The following TFEC variants were observed in gnomAD, a reference collection of about 807,000 sequenced individuals.
TFEC encodes the protein transcription factor EC.
Under a neutral mutation model 41.6 loss-of-function variants are expected in TFEC, and 31 were observed. The observed-to-expected ratio is 0.74, with a 90% CI of 0.56 to 1.01. TFEC has a LOEUF of 1.01. Ranked by LOEUF, TFEC falls within the 50% of genes least tolerant of loss-of-function variation. TFEC has a pLI of 0.00. For synonymous variants in TFEC, 143 were observed against 140.6 expected, an observed-to-expected ratio of 1.02 and a Z score of -0.12; for missense variants, 402 against 404.1, an observed-to-expected ratio of 0.99 and a Z score of 0.04.
chr7:115,961,865 T>C (rs1792572370), intron 3 of TFEC, among the ~76,000 whole-genome samples: 1 of 151,634 alleles, frequency 6.6e-6, no homozygotes, highest in Non-Finnish European at 1.5e-5. Context: ...AAGGAATAAA[T>C]GAAATGATCT....
chr7:115,973,521 C>A (rs893363475), intron 3 of TFEC, among the ~76,000 whole-genome samples: 2 of 151,202 alleles, frequency 1.3e-5, no homozygotes, highest in Non-Finnish European at 3.0e-5. Flanking sequence ...GCTTACACAC[C>A]CTTTACAGAT....
chr7:116,085,790 G>A (rs541555539), intron 3 of TFEC, among the ~76,000 whole-genome samples: 2 of 151,850 alleles, frequency 1.3e-5, no homozygotes, highest in Admixed American at 1.3e-4. Flanking sequence ...TGTGTAAAAT[G>A]TATTTGGTTA....
intron 1 of TFEC, among the ~76,000 whole-genome samples, chr7:116,029,706 A>G (rs917018891): frequency 6.6e-6 from 1 of 151,960 alleles, no homozygotes; most frequent in Non-Finnish European, 1.5e-5. Flanking sequence ...CAGCATATAT[A>G]TATGTATGTA....
At chr7:115,949,205 CA>C (rs1791787165) in intron 6 of TFEC, among the ~76,000 whole-genome samples, 1 of 152,028 alleles carries the variant, frequency 6.6e-6, no homozygotes, top group African/African-American at 2.4e-5. Flanking sequence ...AAAGAGCATA[CA>C]AAGAAATGGA....
At chr7:115,965,346 A>T (rs556449633) in intron 3 of TFEC, among the ~76,000 whole-genome samples, 1 of 151,622 alleles carries the variant, frequency 6.6e-6, no homozygotes, top group Admixed American at 6.6e-5. Context: ...AAAGATGCTG[A>T]TTTAATTACA....
At chr7:115,996,390 G>A (rs1356967900) in intron 1 of TFEC, among the ~76,000 whole-genome samples, 3 of 152,034 alleles carry the variant, frequency 2.0e-5, no homozygotes, top group Non-Finnish European at 4.4e-5. Flanking sequence ...TCTTTAAAAT[G>A]CTAATTAGAC....
intron 3 of TFEC, among the ~76,000 whole-genome samples, chr7:116,065,630 G>C (rs1796677693): frequency 6.6e-6 from 1 of 152,072 alleles, no homozygotes; most frequent in Admixed American, 6.6e-5. Flanking sequence ...AGCAATACTT[G>C]TGTATGGAGT....
chr7:115,945,805 G>A (rs1288919069), intron 6 of TFEC, among the ~76,000 whole-genome samples: 1 of 151,646 alleles, frequency 6.6e-6, no homozygotes, highest in African/African-American at 2.4e-5. Context: ...TAGACCAAGG[G>A]TAGACAAACT....
chr7:116,027,669 G>A (rs749862765), intron 1 of TFEC, among the ~76,000 whole-genome samples: 2 of 152,162 alleles, frequency 1.3e-5, no homozygotes, highest in Middle Eastern at 3.4e-3. Flanking sequence ...CTGAGCATTG[G>A]AAACATGTTT....
At chr7:116,065,574 TG>T (rs1796676133) in intron 3 of TFEC, among the ~76,000 whole-genome samples, 1 of 152,122 alleles carries the variant, frequency 6.6e-6, no homozygotes, top group Non-Finnish European at 1.5e-5. Context: ...CCAAAAAGTA[TG>T]GTTCAACTGC....
chr7:115,994,668 A>G lies in TFEC; in HGVS notation c.-72-10155T>C, dbSNP rs1417935284. Among the ~76,000 whole-genome samples the G allele has an allele frequency of 2.6e-5, 4 of 152,208 alleles. No individual in the cohort carries two copies. In the East Asian group the frequency reaches 5.8e-4, roughly 22 times the overall value. On this transcript the variant is annotated intron_variant, in intron 1 of 7. Coordinates refer to ENST00000265440, the MANE Select transcript of TFEC (RefSeq NM_012252.4). ...GAGATACCATCTCACACCAGTTAGA[A>G]TGGCAATCATTTAAAAAGTCAGGAA...
chr7:116,064,000 G>T (rs1008860884), intron 3 of TFEC, among the ~76,000 whole-genome samples: 1 of 152,114 alleles, frequency 6.6e-6, no homozygotes, highest in Non-Finnish European at 1.5e-5. Flanking sequence ...AACACTGAAT[G>T]ATCTCACTTA....
At chr7:116,125,604 T>C (rs968784751) in intron 1 of TFEC, among the ~76,000 whole-genome samples, 1 of 152,088 alleles carries the variant, frequency 6.6e-6, no homozygotes, top group Admixed American at 6.6e-5. Flanking sequence ...GAATGTATGG[T>C]AGTGACCGAG....
chr7:116,040,366 A>AT (rs1192104847), intron 3 of TFEC, among the ~76,000 whole-genome samples: 1 of 152,190 alleles, frequency 6.6e-6, no homozygotes, highest in Non-Finnish European at 1.5e-5. Context: ...AAAGTGATAT[A>AT]TTAACATTTT....
intron 1 of TFEC, among the ~76,000 whole-genome samples, chr7:116,151,330 C>T (rs1157133870): frequency 6.6e-6 from 1 of 150,542 alleles, no homozygotes; most frequent in Non-Finnish European, 1.5e-5. Context: ...GCAACCTCTG[C>T]CTCCTGGACT....
At chr7:116,089,929 C>G (rs1797286893) in intron 3 of TFEC, among the ~76,000 whole-genome samples, 1 of 152,080 alleles carries the variant, frequency 6.6e-6, no homozygotes, top group South Asian at 2.1e-4. Flanking sequence ...CCCAGGGTGT[C>G]AAGGTTTGGA....
At chr7:116,027,413 T>C (rs1247077171) in intron 1 of TFEC, among the ~76,000 whole-genome samples, 2 of 151,912 alleles carry the variant, frequency 1.3e-5, no homozygotes, top group African/African-American at 4.8e-5. Context: ...AGACCCCCCA[T>C]CTCTACAAAA....
chr7:116,062,560 C>CAT (rs57742551), intron 3 of TFEC, among the ~76,000 whole-genome samples: 6,495 of 99,936 alleles, frequency 0.065, 290 homozygotes, highest in Non-Finnish European at 0.092. Flanking sequence ...GAGTAGTACT[C>CAT]ATATATATAT....
intron 3 of TFEC, among the ~76,000 whole-genome samples, chr7:116,099,262 C>T (rs1310295626): frequency 2.0e-5 from 3 of 152,180 alleles, no homozygotes; most frequent in Non-Finnish European, 1.5e-5. Context: ...GTTCTCTTCT[C>T]TTGCAGATTT....
Sources: allele counts gnomAD v4.1 joint callset (sites outside exome capture counted in the v4.1 genomes callset), GRCh38; gene constraint gnomAD v4.1.1; transcripts MANE v1.5; gene names NCBI Gene and HGNC (gene_info 2026-07-23, HGNC 2026-07-21).